Variants in CA11 observed in about 807,000 individuals in gnomAD.
CA11 encodes carbonic anhydrase 11 (inactive).
Under a neutral mutation model 39.3 loss-of-function variants are expected in CA11, and 20 were observed. That is an observed-to-expected ratio of 0.51 (90% confidence interval 0.36 to 0.74). CA11 has a LOEUF of 0.74. Ranked by LOEUF, CA11 falls within the 30% of genes least tolerant of loss-of-function variation. CA11 has a pLI of 0.00. For synonymous variants in CA11, 166 were observed against 172.5 expected, an observed-to-expected ratio of 0.96 and a Z score of 0.29; for missense variants, 336 against 424.6, an observed-to-expected ratio of 0.79 and a Z score of 1.83.
At position 48,638,067 on chromosome 19, in the gene CA11, T is replaced by C; in HGVS notation, c.*52A>G. On this transcript the variant is annotated 3_prime_UTR_variant, in exon 9 of 9. Transcript: ENST00000084798. Reference sequence around the variant, plus strand: ...AGCTTTGTTTTAGGGGTAACTCCCCTCGCCTTGTGGGGAGGCTTAGGACGG... The same window carrying C: ...AGCTTTGTTTTAGGGGTAACTCCCCCCGCCTTGTGGGGAGGCTTAGGACGG... The C allele has an allele frequency of 7.2e-7, 1 of 1,383,800 alleles. No homozygotes were observed. The highest frequency in any genetic ancestry group is 9.6e-7 in the Non-Finnish European group (1 of 1,044,306). The allele number at this position is 1,383,800 out of a possible 1,614,324, so 85.7% of individuals were successfully genotyped here.
At chr19:48,640,321 CT>C in intron 3 of CA11, 41 bp from the exon 4 acceptor site, 1 of 1,171,492 alleles carries the variant, frequency 8.5e-7, no homozygotes, top group Non-Finnish European at 1.2e-6. Flanking sequence ...AGGGAGAGAT[CT>C]TTTATCTCTC....
At chr19:48,642,334 A>C (rs1342755525) in intron 3 of CA11, among the ~76,000 whole-genome samples, 1 of 152,128 alleles carries the variant, frequency 6.6e-6, no homozygotes, top group African/African-American at 2.4e-5. Context: ...CCCCATCTCT[A>C]CTAAAAATAC....
Position 48,645,679 on chromosome 19 carries a change from C to A in CA11, c.-47G>T, listed in dbSNP as rs1384807725. 14 of 1,405,412 alleles carry A rather than the reference C, an allele frequency of 1.0e-5. No individual in the cohort carries two copies. The South Asian group carries it at 1.7e-4, about 17-fold the overall frequency. The allele number at this position is 1,405,412 out of a possible 1,614,324, so 87.1% of individuals were successfully genotyped here. On this transcript the variant is annotated 5_prime_UTR_variant, in exon 1 of 9. Coordinates refer to ENST00000084798, the MANE Select transcript of CA11 (RefSeq NM_001217.5). The stretch of plus-strand genomic sequence containing the variant: ...CCCCTGCCCAACGCCCTGCCCCCCT[C>A]TCTCAGCTCCTCTGTCCCCTCCTTC...
chr19:48,641,744 A>G (rs1416239362), intron 3 of CA11, among the ~76,000 whole-genome samples: 1 of 152,036 alleles, frequency 6.6e-6, no homozygotes, highest in Non-Finnish European at 1.5e-5. Flanking sequence ...TCTTGGGCTC[A>G]AACGATCCTC....
chr19:48,644,421 C>T lies in CA11; in HGVS notation c.285+6G>A, dbSNP rs929613742. ...GTTCAATAGCTCCTCCCTCCAAGCC[C>T]CTTACCTTCTCTCCTCCAGTGCTGA... On this transcript the variant is annotated splice_donor_region_variant and intron_variant, in intron 3 of 8. Coordinates refer to ENST00000084798, the MANE Select transcript of CA11 (RefSeq NM_001217.5). 6.3e-7 allele frequency: 1 copy of T among 1,583,718 alleles called. No individual in the cohort carries two copies. The highest frequency in any genetic ancestry group is 8.6e-7 in the Non-Finnish European group (1 of 1,161,886).
chr19:48,644,249 C>T (rs369685201), intron 3 of CA11, among the ~76,000 whole-genome samples, 178 bp downstream of exon 3: 5 of 152,028 alleles, frequency 3.3e-5, no homozygotes, highest in African/African-American at 9.7e-5. Context: ...GACTAGGGGA[C>T]CATGCTTGGG....
rs1427814494 is a variant in CA11, at chr19:48,644,411, C to T, written c.285+16G>A. Reference sequence around the variant, plus strand: ...TCCCCAGTGGGTTCAATAGCTCCTCCCTCCAAGCCCCTTACCTTCTCTCCT... The same window carrying T: ...TCCCCAGTGGGTTCAATAGCTCCTCTCTCCAAGCCCCTTACCTTCTCTCCT... On this transcript the variant is annotated intron_variant, in intron 3 of 8. Transcript: ENST00000084798. 6.4e-7 allele frequency: 1 copy of T among 1,555,592 alleles called. No individual in the cohort carries two copies. Among genetic ancestry groups the T allele is most frequent in the Admixed American group, 1.8e-5 (1 of 54,488 alleles).
rs941237034 is a variant in CA11, at chr19:48,641,831, T to C, written c.286-1551A>G. Among the ~76,000 whole-genome samples, 213 of 147,726 alleles carry C rather than the reference T, an allele frequency of 1.4e-3. 1 individual carries two copies. Among genetic ancestry groups the C allele is most frequent in the African/African-American group, 5.2e-3 (204 of 39,504 alleles). On this transcript the variant is annotated intron_variant, in intron 3 of 8. Coordinates refer to ENST00000084798, the MANE Select transcript of CA11 (RefSeq NM_001217.5). ...AACTAATTTTCAATTTTCTTTTTTT[T>C]TTTTTTTTTTTTTTGGTAGAGAGGG...
intron 5 of CA11, 33 bp from the exon 6 acceptor site, chr19:48,639,654 C>G: frequency 6.2e-7 from 1 of 1,609,546 alleles, no homozygotes; most frequent in Non-Finnish European, 8.5e-7. Context: ...GACACAGGAG[C>G]CCAGAAGTCC....
At position 48,639,475 on chromosome 19, in the gene CA11, G is replaced by T. The variant is rs2030993614; in HGVS notation, c.641-16C>A. ...TAGGCATCATCTGCGGGAATATCAG[G>T]CCAGAGTAAAGAGGGATGGCACTCT... is the stretch of plus-strand genomic sequence containing the variant. On this transcript the variant is annotated splice_polypyrimidine_tract_variant and intron_variant, in intron 6 of 8. Coordinates refer to ENST00000084798, the MANE Select transcript of CA11 (RefSeq NM_001217.5). The T allele has an allele frequency of 1.2e-6, 2 of 1,613,832 alleles. No homozygotes were observed. Among genetic ancestry groups the T allele is most frequent in the South Asian group, 1.1e-5 (1 of 91,092 alleles).
chr19:48,638,393 A>T, intron 8 of CA11: 1 of 618,470 alleles, frequency 1.6e-6, no homozygotes, highest in Non-Finnish European at 2.0e-6. Context: ...GGGGGTGTGG[A>T]CTGTACCATG....
chr19:48,640,368 T>TTA, intron 3 of CA11, 88 bp from the exon 4 acceptor site: 7 of 122,644 alleles, frequency 5.7e-5, no homozygotes, highest in Non-Finnish European at 8.1e-5. Flanking sequence ...TCCAACAGTC[T>TTA]TTTTTTTTTT....
intron 8 of CA11, chr19:48,638,377 G>A (rs1217617118): frequency 1.4e-5 from 4 of 276,386 alleles, no homozygotes; most frequent in Non-Finnish European, 1.8e-5. Flanking sequence ...GTCTTCATGG[G>A]GGGGGGGGGG....
At chr19:48,644,200 G>A (rs1601191898) in intron 3 of CA11, among the ~76,000 whole-genome samples, 1 of 152,124 alleles carries the variant, frequency 6.6e-6, no homozygotes, top group African/African-American at 2.4e-5. Flanking sequence ...CCTGGCACAG[G>A]AAATGTTCTG....
chr19:48,640,343 C>A, intron 3 of CA11, 63 bp from the exon 4 acceptor site: 1 of 1,182,062 alleles, frequency 8.5e-7, no homozygotes, highest in Non-Finnish European at 1.2e-6. Flanking sequence ...GTTTCCCACG[C>A]CTACATTTTC....
At chr19:48,642,575 T>C (rs2031121623) in intron 3 of CA11, among the ~76,000 whole-genome samples, 1 of 152,142 alleles carries the variant, frequency 6.6e-6, no homozygotes, top group African/African-American at 2.4e-5. Flanking sequence ...ATATAGTAAG[T>C]GCTATGTAAA....
intron 3 of CA11, among the ~76,000 whole-genome samples, chr19:48,640,698 G>A (rs1228034833): frequency 2.3e-5 from 3 of 131,362 alleles, no homozygotes; most frequent in Non-Finnish European, 3.2e-5. Flanking sequence ...GGGGGGAGAC[G>A]GAGTCTCGCT....
intron 2 of CA11, among the ~76,000 whole-genome samples, chr19:48,645,076 G>C (rs951240879): frequency 1.3e-5 from 2 of 152,110 alleles, no homozygotes. Flanking sequence ...GGAGCTGCAA[G>C]AGAAGGCTGG....
intron 7 of CA11, 78 bp from the exon 8 acceptor site, chr19:48,639,131 T>TG (rs1259931205): frequency 5.7e-6 from 9 of 1,569,570 alleles, no homozygotes; most frequent in Non-Finnish European, 7.0e-6. Flanking sequence ...ACCCCGCCCC[T>TG]GGGAGCAGGT....
Sources: gnomAD v4.1 joint callset for allele counts (sites outside exome capture counted in the v4.1 genomes callset) on GRCh38, gnomAD v4.1.1 for gene constraint, MANE v1.5 for transcripts, NCBI Gene and HGNC (gene_info 2026-07-23, HGNC 2026-07-21) for gene names.